SOX6: variants seen among roughly 807,000 people sequenced by gnomAD.
SOX6 encodes the protein SRY-box transcription factor 6.
In SOX6, 11 loss-of-function variants were observed where a neutral mutation model predicts 97.8. The observed-to-expected ratio is 0.11, with a 90% CI of 0.07 to 0.19. The LOEUF is 0.19. SOX6 is among the 10% of genes least tolerant of loss of function. The pLI, the probability that SOX6 is intolerant of heterozygous loss-of-function variation, is 1.00. For missense variants in SOX6, 810 were observed against 1,039.5 expected, an observed-to-expected ratio of 0.78 and a Z score of 3.04; for synonymous variants, 360 against 371.4, an observed-to-expected ratio of 0.97 and a Z score of 0.35.
chr11:16,658,563 C>A (rs1434430669), intron 3 of SOX6, among the ~76,000 whole-genome samples: 1 of 152,050 alleles, frequency 6.6e-6, no homozygotes, highest in Admixed American at 6.6e-5. Context: ...AAAAAATTAG[C>A]CAGGCGTGGT....
At chr11:16,067,800 C>A (rs1271824858) in intron 9 of SOX6, among the ~76,000 whole-genome samples, 1 of 151,988 alleles carries the variant, frequency 6.6e-6, no homozygotes, top group Non-Finnish European at 1.5e-5. Flanking sequence ...TAAATATTCA[C>A]CTACTATGTG....
At position 16,055,813 on chromosome 11, in the gene SOX6, G is replaced by A. The variant is rs747164997; in HGVS notation, c.1190C>T (p.Thr397Met). ...ATTTTTTATCCCAGTAGGTGAGACC[G>A]TCCCTGCTGTGTTTGGTGGCTGTGG... The part of the protein sequence containing the change: ...STPQPPNTAG[T>M]VSPTGIKNEK... The change falls in exon 10 of 16, where the codon ACG becomes ATG. Residue 397 changes from threonine (T) to methionine (M), a missense_variant. Transcript: ENST00000683767. The A allele has an allele frequency of 3.4e-5, 55 of 1,613,632 alleles. No homozygotes were observed. The highest frequency in any genetic ancestry group is 1.6e-4 in the Middle Eastern group (1 of 6,078).
chr11:16,587,159 T>C (rs1436065504), intron 4 of SOX6, among the ~76,000 whole-genome samples: 1 of 152,186 alleles, frequency 6.6e-6, no homozygotes, highest in Non-Finnish European at 1.5e-5. Context: ...GGGGAAAATC[T>C]CTTAGCTTAA....
intron 4 of SOX6, among the ~76,000 whole-genome samples, chr11:16,500,309 C>A (rs2133142205): frequency 6.6e-6 from 1 of 152,234 alleles, no homozygotes; most frequent in East Asian, 1.9e-4. Context: ...TGGGACATAT[C>A]TCAAAATAAT....
chr11:16,041,620 A>C (rs1855668619), intron 12 of SOX6, among the ~76,000 whole-genome samples: 1 of 152,180 alleles, frequency 6.6e-6, no homozygotes, highest in South Asian at 2.1e-4. Context: ...ATCAAGAATC[A>C]GGTCAAGCTT....
chr11:16,685,822 G>A (rs1355587428), intron 3 of SOX6, among the ~76,000 whole-genome samples: 1 of 152,252 alleles, frequency 6.6e-6, no homozygotes, highest in Non-Finnish European at 1.5e-5. Context: ...GTACCCTGCA[G>A]TAGGCTTCTG....
chr11:15,986,522 T>G (rs1436430148), intron 14 of SOX6, 102 bp from the exon 15 acceptor site: 2 of 1,133,958 alleles, frequency 1.8e-6, no homozygotes, highest in African/African-American at 3.1e-5. Context: ...ATCTGTGCGC[T>G]GGGTGGCTCC....
intron 6 of SOX6, among the ~76,000 whole-genome samples, chr11:16,154,212 C>A (rs1850537164): frequency 6.6e-6 from 1 of 151,722 alleles, no homozygotes; most frequent in African/African-American, 2.4e-5. Flanking sequence ...AGGAACTATG[C>A]CGTAATCAGG....
chr11:16,648,239 A>C (rs1849042358), intron 3 of SOX6, among the ~76,000 whole-genome samples: 1 of 152,034 alleles, frequency 6.6e-6, no homozygotes, highest in Admixed American at 6.6e-5. Flanking sequence ...TGCTACCACT[A>C]TCCCCCACTT....
chr11:16,066,880 C>A (rs1045236745), intron 9 of SOX6, among the ~76,000 whole-genome samples: 1 of 152,128 alleles, frequency 6.6e-6, no homozygotes, highest in African/African-American at 2.4e-5. Context: ...AGGAGCCCAC[C>A]TTTTGCATCA....
At chr11:16,561,176 G>A (rs1299906490) in intron 4 of SOX6, among the ~76,000 whole-genome samples, 4 of 151,962 alleles carry the variant, frequency 2.6e-5, no homozygotes. Context: ...AATAAGAAAG[G>A]GAATAAGACA....
chr11:16,004,041 T>C (rs1407006501), intron 13 of SOX6, among the ~76,000 whole-genome samples: 5 of 151,660 alleles, frequency 3.3e-5, no homozygotes, highest in Non-Finnish European at 4.4e-5. Flanking sequence ...CACACACATA[T>C]ATATGTGTGT....
intron 6 of SOX6, among the ~76,000 whole-genome samples, chr11:16,148,878 C>A (rs1421715705): frequency 3.9e-5 from 6 of 152,140 alleles, no homozygotes; most frequent in Admixed American, 1.3e-4. Flanking sequence ...ATAACCTTTA[C>A]TCCAGTGGAA....
intron 3 of SOX6, among the ~76,000 whole-genome samples, chr11:16,654,490 A>T (rs1239473358): frequency 6.6e-6 from 1 of 151,796 alleles, no homozygotes; most frequent in Non-Finnish European, 1.5e-5. Flanking sequence ...GAGTTTTGCT[A>T]TGTTGCCCAG....
At chr11:16,061,454 A>T (rs1301469437) in intron 9 of SOX6, among the ~76,000 whole-genome samples, 3 of 151,904 alleles carry the variant, frequency 2.0e-5, no homozygotes, top group African/African-American at 7.2e-5. Flanking sequence ...TATTGTTAAA[A>T]TGACCATACT....
intron 1 of SOX6, among the ~76,000 whole-genome samples, chr11:16,420,758 G>A (rs944045647): frequency 1.2e-4 from 19 of 152,114 alleles, no homozygotes; most frequent in African/African-American, 4.6e-4. Flanking sequence ...TGCTTATTAA[G>A]ATGTAACTCA....
chr11:16,309,529 G>C (rs1347797410), intron 3 of SOX6, among the ~76,000 whole-genome samples: 1 of 152,058 alleles, frequency 6.6e-6, no homozygotes, highest in Non-Finnish European at 1.5e-5. Flanking sequence ...GATTAACAAA[G>C]TTCTGGCAAA....
At chr11:16,492,078 A>G (rs1860517114) in intron 4 of SOX6, among the ~76,000 whole-genome samples, 1 of 152,216 alleles carries the variant, frequency 6.6e-6, no homozygotes, top group Non-Finnish European at 1.5e-5. Context: ...ATTCAGGGTA[A>G]GAAAAGATTT....
chr11:16,471,076 T>A (rs776175804), intron 1 of SOX6, among the ~76,000 whole-genome samples: 4 of 151,214 alleles, frequency 2.6e-5, no homozygotes, highest in Non-Finnish European at 4.4e-5. Context: ...ATAAACTATG[T>A]CCGATTTTTT....
Sources: gnomAD v4.1 joint callset for allele counts (sites outside exome capture counted in the v4.1 genomes callset) on GRCh38, gnomAD v4.1.1 for gene constraint, MANE v1.5 for transcripts, NCBI Gene and HGNC (gene_info 2026-07-23, HGNC 2026-07-21) for gene names.